Variants in SLC14A2 observed in about 807,000 individuals in gnomAD.
The protein encoded by SLC14A2 is solute carrier family 14 member 2.
A neutral mutation model predicts 104.6 loss-of-function variants in SLC14A2; 91 were observed. That is an observed-to-expected ratio of 0.87 (90% CI 0.73 to 1.04). SLC14A2 has a LOEUF of 1.04. Among genes scored for constraint, SLC14A2 ranks in the 50% least tolerant of loss-of-function variants. The pLI is 0.00. For synonymous variants in SLC14A2, 476 were observed against 466.4 expected, an observed-to-expected ratio of 1.02 and a Z score of -0.27; for missense variants, 1,189 against 1,156.0, an observed-to-expected ratio of 1.03 and a Z score of -0.41.
intron 1 of SLC14A2, among the ~76,000 whole-genome samples, chr18:45,273,129 G>T (rs2084667813): frequency 6.6e-6 from 1 of 152,096 alleles, no homozygotes; most frequent in South Asian, 2.1e-4. Context: ...GATATCATCA[G>T]ATCGGGGTTT....
chr18:45,378,796 G>A (rs566334268), intron 1 of SLC14A2, among the ~76,000 whole-genome samples: 6 of 151,986 alleles, frequency 3.9e-5, no homozygotes, highest in Non-Finnish European at 7.4e-5. Flanking sequence ...TTGTTTTTTA[G>A]GACTGGGTTT....
At chr18:45,270,621 G>A (rs1188733509) in intron 1 of SLC14A2, among the ~76,000 whole-genome samples, 1 of 152,096 alleles carries the variant, frequency 6.6e-6, no homozygotes, top group African/African-American at 2.4e-5. Flanking sequence ...CTGTTAGCTT[G>A]TGCAAAAAGT....
chr18:45,446,400 C>T (rs968266892), intron 1 of SLC14A2, among the ~76,000 whole-genome samples: 2 of 152,134 alleles, frequency 1.3e-5, no homozygotes, highest in African/African-American at 4.8e-5. Flanking sequence ...TCTCTCTTTC[C>T]ACCACATAAG....
intron 12 of SLC14A2, 145 bp downstream of exon 12, chr18:45,666,364 G>T (rs2170972): frequency 0.77 from 424,854 of 554,052 alleles, 166,971 homozygotes; most frequent in Non-Finnish European, 0.83. Context: ...TAATTACCTG[G>T]GACAAAAATG....
At chr18:45,513,994 T>C (rs1347245705) in intron 2 of SLC14A2, among the ~76,000 whole-genome samples, 1 of 152,220 alleles carries the variant, frequency 6.6e-6, no homozygotes, top group African/African-American at 2.4e-5. Flanking sequence ...CTACCCTTTC[T>C]AACTTACAGT....
At chr18:45,555,868 T>C (rs2044126222) in intron 2 of SLC14A2, among the ~76,000 whole-genome samples, 1 of 152,232 alleles carries the variant, frequency 6.6e-6, no homozygotes, top group South Asian at 2.1e-4. Context: ...TCACTCACCT[T>C]GCCCTTGTGC....
chr18:45,562,252 TA>T (rs1285393046), intron 2 of SLC14A2, among the ~76,000 whole-genome samples: 2 of 152,230 alleles, frequency 1.3e-5, no homozygotes, highest in Non-Finnish European at 2.9e-5. Context: ...ATCTACAAGT[TA>T]AAAGCTCTAG....
the SLC14A2 span, among the ~76,000 whole-genome samples, chr18:45,177,914 A>G: frequency 6.6e-6 from 1 of 152,188 alleles, no homozygotes; most frequent in African/African-American, 2.4e-5. Flanking sequence ...TGGTACCATG[A>G]TATCCCCAGG....
At chr18:45,383,976 C>T (rs1661365419) in intron 1 of SLC14A2, among the ~76,000 whole-genome samples, 1 of 151,890 alleles carries the variant, frequency 6.6e-6, no homozygotes, top group African/African-American at 2.4e-5. Context: ...AAGAGAAAGA[C>T]CAATATCAAG....
Position 45,665,993 on chromosome 18 carries a change from A to G in SLC14A2, c.1475-144A>G. ...AAGAACAAAAGAGCCTTCGAGCTGC[A>G]AGGCCCCATGATTCTGTGCTTCCTC... On this transcript the variant is annotated intron_variant, in intron 11 of 19. Transcript: ENST00000255226. The G allele has an allele frequency of 5.0e-6, 3 of 596,864 alleles. No homozygotes were observed. In the South Asian group the frequency reaches 6.8e-5, roughly 13 times the overall value. 37.0% of individuals were successfully genotyped at this position (596,864 alleles called of 1,614,324 possible).
At chr18:45,540,242 G>T (rs1294470919) in intron 2 of SLC14A2, among the ~76,000 whole-genome samples, 2 of 152,024 alleles carry the variant, frequency 1.3e-5, no homozygotes, top group African/African-American at 4.8e-5. Context: ...CTCCTTCCTG[G>T]CCCCCTTGCC....
At position 45,649,180 on chromosome 18, in the gene SLC14A2, A is replaced by AAAAAACAAAAAC. The variant is rs10693896; in HGVS notation, c.1351+5026_1351+5037dup. ...GCGAGTGAGACTCTGTCTCAAAAAC[A>AAAAAACAAAAAC]AAAAACAAAAACAAAAAGGCATATT... On this transcript the variant is annotated intron_variant, in intron 10 of 19. Coordinates refer to ENST00000255226, the MANE Select transcript of SLC14A2 (RefSeq NM_007163.4). Among the ~76,000 whole-genome samples the AAAAAACAAAAAC allele has an allele frequency of 1.0e-3, 156 of 151,070 alleles. 1 individual carries two copies. Among genetic ancestry groups the AAAAAACAAAAAC allele is most frequent in the African/African-American group, 3.4e-3 (140 of 41,096 alleles).
chr18:45,437,546 C>A (rs955799591), intron 1 of SLC14A2, among the ~76,000 whole-genome samples: 1 of 152,176 alleles, frequency 6.6e-6, no homozygotes, highest in Non-Finnish European at 1.5e-5. Flanking sequence ...TGCTAGCCAC[C>A]CTCATGTCAT....
At chr18:45,539,894 T>TAAA (rs531647287) in intron 2 of SLC14A2, among the ~76,000 whole-genome samples, 23,764 of 135,178 alleles carry the variant, frequency 0.18, 2,119 homozygotes, top group Non-Finnish European at 0.22. Flanking sequence ...ATGAAAAGAG[T>TAAA]AAAAAAAAAA....
At chr18:45,488,067 A>G (rs2087644491) in intron 2 of SLC14A2, among the ~76,000 whole-genome samples, 1 of 152,218 alleles carries the variant, frequency 6.6e-6, no homozygotes, top group Non-Finnish European at 1.5e-5. Flanking sequence ...CCTGATTACA[A>G]AGTGGTCCTA....
At chr18:45,256,996 C>T (rs2084485948) in intron 1 of SLC14A2, among the ~76,000 whole-genome samples, 1 of 152,220 alleles carries the variant, frequency 6.6e-6, no homozygotes, top group East Asian at 1.9e-4. Flanking sequence ...AGATTGTATG[C>T]TCTAATGTGG....
chr18:45,365,678 G>A (rs935493165), intron 1 of SLC14A2, among the ~76,000 whole-genome samples: 3 of 152,148 alleles, frequency 2.0e-5, no homozygotes, highest in African/African-American at 7.2e-5. Context: ...CTTCCCCTAT[G>A]TCACTTGGGC....
At chr18:45,228,354 TA>T (rs1417412548) in intron 1 of SLC14A2, among the ~76,000 whole-genome samples, 1 of 152,176 alleles carries the variant, frequency 6.6e-6, no homozygotes, top group Non-Finnish European at 1.5e-5. Flanking sequence ...ACCACAGGCT[TA>T]GGGGTGGACT....
intron 1 of SLC14A2, among the ~76,000 whole-genome samples, chr18:45,317,667 C>A (rs988992336): frequency 2.6e-5 from 4 of 152,156 alleles, no homozygotes; most frequent in African/African-American, 9.7e-5. Context: ...ACATGAAACT[C>A]GAAAATCACC....
Sources: allele counts gnomAD v4.1 joint callset (sites outside exome capture counted in the v4.1 genomes callset), GRCh38; gene constraint gnomAD v4.1.1; transcripts MANE v1.5; gene names NCBI Gene and HGNC (gene_info 2026-07-23, HGNC 2026-07-21).